Variants in PDE4B observed in about 807,000 individuals in gnomAD.
The protein encoded by PDE4B is phosphodiesterase 4B.
PDE4B carries 20 observed loss-of-function variants against 82.2 expected under a neutral mutation model. That is an observed-to-expected ratio of 0.24 (90% CI 0.17 to 0.35). The LOEUF (loss-of-function observed/expected upper bound fraction) is 0.35. PDE4B is among the 10% of genes least tolerant of loss of function. The pLI, the probability that PDE4B is intolerant of heterozygous loss-of-function variation, is 1.00. For missense variants in PDE4B, 655 were observed against 907.2 expected (o/e 0.72, Z 3.57); for synonymous variants, 320 against 318.9 (o/e 1.00, Z -0.04).
At chr1:66,253,410 C>T (rs1462803212) in intron 4 of PDE4B, among the ~76,000 whole-genome samples, 1 of 152,176 alleles carries the variant, frequency 6.6e-6, no homozygotes, top group Non-Finnish European at 1.5e-5. Context: ...TTGTTTAGAG[C>T]AGACCTACAT....
At chr1:66,275,364 CT>C (rs1655807353) in intron 7 of PDE4B, among the ~76,000 whole-genome samples, 1 of 152,120 alleles carries the variant, frequency 6.6e-6, no homozygotes, top group Non-Finnish European at 1.5e-5. Context: ...GGTGCAAAGC[CT>C]CCCTTTGCAG....
intron 3 of PDE4B, chr1:65,992,314 CAG>C (rs1651287154): frequency 6.6e-6 from 1 of 152,160 alleles, no homozygotes; most frequent in Non-Finnish European, 1.5e-5. Flanking sequence ...AAGGGGGAAA[CAG>C]AGTGCAATTG....
intron 3 of PDE4B, among the ~76,000 whole-genome samples, chr1:66,103,913 G>A (rs993557008): frequency 6.6e-6 from 1 of 151,852 alleles, no homozygotes; most frequent in South Asian, 2.1e-4. Context: ...TTAAGATCGA[G>A]AGGCATTATT....
At chr1:66,258,469 C>T (rs988778856) in intron 6 of PDE4B, among the ~76,000 whole-genome samples, 7 of 152,158 alleles carry the variant, frequency 4.6e-5, no homozygotes, top group Non-Finnish European at 2.9e-5. Context: ...AAAATCATTT[C>T]GAATCTATGA....
At chr1:66,352,871 G>A (rs1370149797) in intron 8 of PDE4B, among the ~76,000 whole-genome samples, 1 of 152,200 alleles carries the variant, frequency 6.6e-6, no homozygotes, top group African/African-American at 2.4e-5. Context: ...GACTAAAGGA[G>A]CCAAAATGAG....
At chr1:65,873,801 GA>G (rs1646603496) in intron 1 of PDE4B, among the ~76,000 whole-genome samples, 1 of 152,164 alleles carries the variant, frequency 6.6e-6, no homozygotes, top group Non-Finnish European at 1.5e-5. Flanking sequence ...TAGAGGTAGA[GA>G]TTTTTAAAAC....
chr1:65,818,244 T>C (rs1413333119), intron 1 of PDE4B, among the ~76,000 whole-genome samples: 1 of 152,204 alleles, frequency 6.6e-6, no homozygotes, highest in Non-Finnish European at 1.5e-5. Flanking sequence ...ACTCTAAGCT[T>C]TTCCTGCTCA....
At chr1:66,346,348 A>G (rs1259412476) in intron 8 of PDE4B, among the ~76,000 whole-genome samples, 3 of 152,232 alleles carry the variant, frequency 2.0e-5, no homozygotes, top group Non-Finnish European at 4.4e-5. Context: ...TAGTCAATAG[A>G]TAAAAAGTTG....
At chr1:66,173,876 C>T (rs921996814) in intron 3 of PDE4B, among the ~76,000 whole-genome samples, 3 of 152,160 alleles carry the variant, frequency 2.0e-5, no homozygotes, top group African/African-American at 7.2e-5. Context: ...ACCTCCACCT[C>T]TTGGGCTCAA....
chr1:66,224,430 G>A (rs138775831), intron 3 of PDE4B, among the ~76,000 whole-genome samples: 1 of 152,094 alleles, frequency 6.6e-6, no homozygotes, highest in Admixed American at 6.6e-5. Flanking sequence ...GAGAAAAATA[G>A]TCAAGCAGCC....
intron 3 of PDE4B, among the ~76,000 whole-genome samples, chr1:65,942,003 A>G (rs1383204955): frequency 1.3e-5 from 2 of 151,924 alleles, no homozygotes; most frequent in Non-Finnish European, 2.9e-5. Context: ...CCAAAACACT[A>G]TTTTTCAAAG....
At chr1:66,290,342 G>A (rs1344494439) in intron 7 of PDE4B, among the ~76,000 whole-genome samples, 1 of 152,128 alleles carries the variant, frequency 6.6e-6, no homozygotes, top group Non-Finnish European at 1.5e-5. Flanking sequence ...TTATTGATGT[G>A]TACCAGGTAA....
At chr1:66,025,806 C>T (rs1168673551) in intron 3 of PDE4B, among the ~76,000 whole-genome samples, 1 of 152,170 alleles carries the variant, frequency 6.6e-6, no homozygotes, top group Non-Finnish European at 1.5e-5. Flanking sequence ...TACTTAGGTA[C>T]AGTAAAAATT....
chr1:65,987,648 G>T (rs1651023674), intron 3 of PDE4B, among the ~76,000 whole-genome samples: 1 of 151,942 alleles, frequency 6.6e-6, no homozygotes, highest in South Asian at 2.1e-4. Context: ...TCTCACTGTT[G>T]TCTGCCTGGG....
At chr1:66,071,605 C>A (rs1395998321) in intron 3 of PDE4B, among the ~76,000 whole-genome samples, 1 of 152,030 alleles carries the variant, frequency 6.6e-6, no homozygotes, top group African/African-American at 2.4e-5. Flanking sequence ...AATTGAATTA[C>A]CTTTTTTGAG....
intron 3 of PDE4B, among the ~76,000 whole-genome samples, chr1:66,067,084 A>G (rs1367420605): frequency 6.6e-6 from 1 of 152,096 alleles, no homozygotes; most frequent in African/African-American, 2.4e-5. Flanking sequence ...AATCCAGTCT[A>G]TCATTTATGG....
At chr1:65,851,132 G>A (rs936958984) in intron 1 of PDE4B, among the ~76,000 whole-genome samples, 48 of 152,050 alleles carry the variant, frequency 3.2e-4, no homozygotes, top group African/African-American at 1.1e-3. Flanking sequence ...GGCCGAATAC[G>A]CTTGATATGT....
chr1:65,899,729 C>T (rs1407285155), intron 1 of PDE4B, among the ~76,000 whole-genome samples: 2 of 150,470 alleles, frequency 1.3e-5, no homozygotes, highest in African/African-American at 4.9e-5. Context: ...ATGGCATTTG[C>T]AGTGACCTGG....
At chr1:65,924,310 G>A (rs1286269976) in intron 3 of PDE4B, among the ~76,000 whole-genome samples, 3 of 150,276 alleles carry the variant, frequency 2.0e-5, no homozygotes, top group African/African-American at 4.9e-5. Context: ...TCCTGACCTC[G>A]TGATCCGCCC....
Sources: allele counts gnomAD v4.1 joint callset (sites outside exome capture counted in the v4.1 genomes callset), GRCh38; gene constraint gnomAD v4.1.1; transcripts MANE v1.5; gene names NCBI Gene and HGNC (gene_info 2026-07-23, HGNC 2026-07-21).